The following DHRS3 variants were observed in gnomAD, a reference collection of about 807,000 sequenced individuals.
DHRS3 encodes dehydrogenase/reductase 3.
DHRS3 carries 14 observed loss-of-function variants against 27.2 expected under a neutral mutation model. That is an observed-to-expected ratio of 0.52 (90% CI 0.34 to 0.81). The LOEUF is 0.81. DHRS3 is among the 30% of genes least tolerant of loss of function. DHRS3 has a pLI of 0.01. For missense variants in DHRS3, 322 were observed against 406.2 expected, an observed-to-expected ratio of 0.79 and a Z score of 1.78; for synonymous variants, 165 against 175.9, an observed-to-expected ratio of 0.94 and a Z score of 0.49.
intron 1 of DHRS3, among the ~76,000 whole-genome samples, chr1:12,585,255 CTGAG>C (rs1450511134): frequency 6.4e-4 from 12 of 18,884 alleles, no homozygotes; most frequent in Non-Finnish European, 1.8e-3. Context: ...CTCTGTGTCT[CTGAG>C]TGTGTGTCTC....
chr1:12,571,071 A>C (rs1161472619), intron 5 of DHRS3, among the ~76,000 whole-genome samples: 1 of 152,200 alleles, frequency 6.6e-6, no homozygotes, highest in Non-Finnish European at 1.5e-5. Context: ...TACCTTCCTG[A>C]AAAGGACTTC....
chr1:12,608,252 C>T lies in DHRS3; in HGVS notation c.195+8902G>A, dbSNP rs1447201273. ...GTCCCCTTGTATATTACCACAGTCA[C>T]GTATATTACCAATCGTGTATGGTAC... is the stretch of plus-strand genomic sequence containing the variant. On this transcript the variant is annotated intron_variant, in intron 1 of 5. Coordinates refer to ENST00000616661, the MANE Select transcript of DHRS3 (RefSeq NM_004753.7). The surrounding 1 kb of genome is among the most constrained non-coding windows in gnomAD (Gnocchi z 4.1). Among the ~76,000 whole-genome samples the T allele has an allele frequency of 2.6e-5, 4 of 152,104 alleles. No individual in the cohort carries two copies. The highest frequency in any genetic ancestry group is 3.2e-3 in the Middle Eastern group (1 of 316).
rs1557515207 is a variant in DHRS3 at position 12,578,827 on chromosome 1, C to T, written c.589G>A (p.Ala197Thr). Residue 197 changes from alanine (A) to threonine (T), a missense_variant, in exon 4 of 6, where the codon GCC becomes ACC. Ala to Thr is a moderately conservative substitution (Grantham distance 58). Transcript: ENST00000616661. This position sits in a 1 kb window ranked among gnomAD's most constrained non-coding sequence, Gnocchi z 4.5. ...DYCTSKASAF[A>T]FMESLTLGLL... ...CCCAGGGTCAGGCTCTCCATGAAGGCGAAGGCTGACGCTTTGGATGTGCAG... is the reference window on the plus strand; with the variant it reads ...CCCAGGGTCAGGCTCTCCATGAAGGTGAAGGCTGACGCTTTGGATGTGCAG... 4.3e-6 allele frequency: 7 copies of T among 1,613,984 alleles called. No individual in the cohort carries two copies. Among genetic ancestry groups the T allele is most frequent in the Non-Finnish European group, 5.1e-6 (6 of 1,180,024 alleles).
intron 1 of DHRS3, among the ~76,000 whole-genome samples, chr1:12,616,195 A>G (rs1276860476): frequency 3.9e-5 from 6 of 152,096 alleles, no homozygotes; most frequent in Non-Finnish European, 8.8e-5. Flanking sequence ...TCACCCCCCT[A>G]GTTCACAACA....
chr1:12,616,525 G>T, intron 1 of DHRS3: 1 of 981,462 alleles, frequency 1.0e-6, no homozygotes, highest in African/African-American at 1.7e-5. Flanking sequence ...AGGGTTGAAG[G>T]TGAGAACAAG....
rs1192555205 is a variant in DHRS3, at chr1:12,591,010, C to T, written c.196-10344G>A. Among the ~76,000 whole-genome samples the T allele has an allele frequency of 6.6e-6, 1 of 152,156 alleles. No individual in the cohort carries two copies. Among genetic ancestry groups the T allele is most frequent in the African/African-American group, 2.4e-5 (1 of 41,442 alleles). On this transcript the variant is annotated intron_variant, in intron 1 of 5. Coordinates refer to ENST00000616661, the MANE Select transcript of DHRS3 (RefSeq NM_004753.7). This position sits in a 1 kb window ranked among gnomAD's most constrained non-coding sequence, Gnocchi z 4.1. Reference sequence around the variant, plus strand: ...AAAGGATGGGGACAGAGAGATCGTGCGATTCTGTGGTTTTGTCCCACTCAA... The same window carrying T: ...AAAGGATGGGGACAGAGAGATCGTGTGATTCTGTGGTTTTGTCCCACTCAA...
Position 12,572,752 on chromosome 1 carries a change from A to T in DHRS3, c.800T>A (p.Met267Lys). 1.2e-6 allele frequency: 2 copies of T among 1,609,572 alleles called. No individual in the cohort carries two copies. Among genetic ancestry groups the T allele is most frequent in the Non-Finnish European group, 1.7e-6 (2 of 1,178,114 alleles). ...NQALLLLPWT[M>K]HALVILKSIL... ...CCTTTTCAAGATAACGAGGGCATGC[A>T]TTGTCCATGGGAGGAGGAGGAGGGC... Residue 267 changes from methionine to lysine, a missense_variant, in exon 5 of 6, where the codon ATG becomes AAG. By Grantham distance (95) the Met-to-Lys change is moderately conservative. Coordinates refer to ENST00000616661, the MANE Select transcript of DHRS3 (RefSeq NM_004753.7).
At chr1:12,610,244 A>ATTTTTT (rs113026130) in intron 1 of DHRS3, among the ~76,000 whole-genome samples, 4 of 142,502 alleles carry the variant, frequency 2.8e-5, no homozygotes, top group Non-Finnish European at 4.6e-5. Flanking sequence ...ATGCCCAGCA[A>ATTTTTT]TTTTTTTTTT....
At chr1:12,570,211 G>A (rs1570349808) in intron 5 of DHRS3, 1 of 152,338 alleles carries the variant, frequency 6.6e-6, no homozygotes, top group Middle Eastern at 3.4e-3. Flanking sequence ...CATCCTCTGG[G>A]GAAGCGTCCT....
Position 12,578,675 on chromosome 1 carries a change from A to G in DHRS3, c.698+43T>C, listed in dbSNP as rs762497634. ...GGCTGACTGAATGGCTTGGGGAGGCAGGTGAGAAGGCTGGTCTCAAGGTGG... is the reference window on the plus strand; with the variant it reads ...GGCTGACTGAATGGCTTGGGGAGGCGGGTGAGAAGGCTGGTCTCAAGGTGG... On this transcript the variant is annotated intron_variant, in intron 4 of 5. Transcript: ENST00000616661. The surrounding 1 kb of genome is among the most constrained non-coding windows in gnomAD (Gnocchi z 4.5). The G allele has an allele frequency of 4.9e-5, 77 of 1,565,286 alleles. No homozygotes were observed. In the Middle Eastern group the frequency reaches 5.0e-4, roughly 10 times the overall value.
intron 4 of DHRS3, among the ~76,000 whole-genome samples, chr1:12,577,810 G>A (rs948938383): frequency 1.3e-5 from 2 of 152,156 alleles, no homozygotes; most frequent in Non-Finnish European, 2.9e-5. Context: ...GCAACGGAGC[G>A]AAACTCCATC....
At chr1:12,571,786 G>A (rs956137857) in intron 5 of DHRS3, among the ~76,000 whole-genome samples, 21 of 151,938 alleles carry the variant, frequency 1.4e-4, no homozygotes, top group Admixed American at 1.3e-3. Context: ...CACCCACCTC[G>A]GCCTCCCAAA....
chr1:12,585,308 T>C (rs1646687080), intron 1 of DHRS3, among the ~76,000 whole-genome samples: 1 of 151,872 alleles, frequency 6.6e-6, no homozygotes, highest in South Asian at 2.1e-4. Context: ...AGTGTATGTG[T>C]CTGTGTGTCT....
intron 1 of DHRS3, among the ~76,000 whole-genome samples, chr1:12,590,137 G>C (rs796661707): frequency 6.6e-6 from 1 of 152,068 alleles, no homozygotes; most frequent in Non-Finnish European, 1.5e-5. Flanking sequence ...GCTGCGGGGG[G>C]ATTTCTTAGG....
chr1:12,573,284 C>T (rs1646555613), intron 4 of DHRS3, among the ~76,000 whole-genome samples: 1 of 152,244 alleles, frequency 6.6e-6, no homozygotes, highest in Admixed American at 6.5e-5. Flanking sequence ...AACAGCCTGG[C>T]TCTCTCCTCC....
chr1:12,585,856 G>A (rs989881161), intron 1 of DHRS3, among the ~76,000 whole-genome samples: 1 of 152,246 alleles, frequency 6.6e-6, no homozygotes, highest in African/African-American at 2.4e-5. Context: ...GGCCTGCAGA[G>A]GGGACTGATT....
chr1:12,607,563 G>T (rs1001208022), intron 1 of DHRS3, among the ~76,000 whole-genome samples: 3 of 152,108 alleles, frequency 2.0e-5, no homozygotes, highest in Non-Finnish European at 2.9e-5. Context: ...AGTTTCCTGA[G>T]GCCTCCTCAG....
intron 5 of DHRS3, among the ~76,000 whole-genome samples, chr1:12,571,138 A>G (rs1351679690): frequency 6.6e-6 from 1 of 152,218 alleles, no homozygotes; most frequent in Non-Finnish European, 1.5e-5. Context: ...CCAAGAGCCC[A>G]TGGTCACTTG....
In DHRS3 at chr1:12,580,658, G is replaced by C. The variant is rs754084801; in HGVS notation, c.204C>G (p.Leu68=). The change falls in exon 2 of 6, where the codon CTC becomes CTG. Residue 68 remains leucine (L), a synonymous_variant. Transcript: ENST00000616661. ...FAERGARKIV[L]WGRTEKCLKE... is the part of the protein sequence containing the mutation. ...TCAGGCATTTCTCAGTCCGGCCCCA[G>C]AGAACAATCTGGAAGAAGATAATAA... is the stretch of plus-strand genomic sequence containing the variant. 1 of 1,613,054 alleles carries C rather than the reference G, an allele frequency of 6.2e-7. No homozygotes were observed. Among genetic ancestry groups the C allele is most frequent in the Non-Finnish European group, 8.5e-7 (1 of 1,179,320 alleles).
Sources: allele counts gnomAD v4.1 joint callset (sites outside exome capture counted in the v4.1 genomes callset), GRCh38; gene constraint gnomAD v4.1.1; non-coding constraint Gnocchi (gnomAD v3.1); transcripts MANE v1.5; gene names NCBI Gene and HGNC (gene_info 2026-07-23, HGNC 2026-07-21).